The following NWD2 variants were observed in gnomAD, a reference collection of about 807,000 sequenced individuals.
The protein encoded by NWD2 is NACHT and WD repeat domain containing 2, also known as NACHT and WD repeat domain-containing protein 2.
NWD2 carries 37 observed loss-of-function variants against 132.7 expected under a neutral mutation model. That is an observed-to-expected ratio of 0.28 (90% CI 0.21 to 0.37). The LOEUF (loss-of-function observed/expected upper bound fraction) is 0.37. NWD2 is among the 10% of genes least tolerant of loss of function. The pLI, the probability that NWD2 is intolerant of heterozygous loss-of-function variation, is 1.00. For missense variants in NWD2, 1,592 were observed against 2,122.4 expected (o/e 0.75, Z 4.91); for synonymous variants, 705 against 803.0 (o/e 0.88, Z 2.06).
chr4:37,256,033 A>G (rs1717511694), intron 1 of NWD2, among the ~76,000 whole-genome samples: 2 of 152,252 alleles, frequency 1.3e-5, no homozygotes, highest in Admixed American at 1.3e-4. Context: ...CCAAAAGAGT[A>G]GGACATATCC....
At position 37,444,939 on chromosome 4, in the gene NWD2, C is replaced by T; in HGVS notation, c.2951C>T (p.Thr984Ile). Residue 984 changes from threonine to isoleucine, a missense_variant, in exon 7 of 7, where the codon ACA becomes ATA. Physicochemically the swap from Thr to Ile is moderately conservative, Grantham distance 89. Around this residue, in one of 7 missense-constraint regions of NWD2, gnomAD observed 1,071 missense variants for 1,398.0 expected, o/e 0.77. Coordinates refer to ENST00000309447, the MANE Select transcript of NWD2 (RefSeq NM_001144990.2). The surrounding 1 kb of genome is among the most constrained non-coding windows in gnomAD (Gnocchi z 4.8). ...LPTCNPSTVL[T>I]ALENGSISTW... Reference sequence around the variant, plus strand: ...ACCTGTAACCCCAGCACTGTCCTCACAGCTTTAGAAAATGGTTCCATCAGC... The same window carrying T: ...ACCTGTAACCCCAGCACTGTCCTCATAGCTTTAGAAAATGGTTCCATCAGC... The T allele has an allele frequency of 6.4e-7, 1 of 1,552,286 alleles. No individual in the cohort carries two copies. The highest frequency in any genetic ancestry group is 8.7e-7 in the Non-Finnish European group (1 of 1,147,134).
At chr4:37,253,987 G>A (rs1297302179) in intron 1 of NWD2, among the ~76,000 whole-genome samples, 2 of 152,066 alleles carry the variant, frequency 1.3e-5, no homozygotes, top group East Asian at 1.9e-4. Flanking sequence ...CTTATAAATG[G>A]GAGCTAAATG....
At chr4:37,359,599 GAA>G (rs35375267) in intron 3 of NWD2, among the ~76,000 whole-genome samples, 16 of 146,218 alleles carry the variant, frequency 1.1e-4, no homozygotes, top group Admixed American at 2.7e-4. Context: ...ACTGCTGAAT[GAA>G]AAAAAAAAAA....
At chr4:37,423,137 C>T (rs1004950826) in intron 3 of NWD2, among the ~76,000 whole-genome samples, 5 of 152,148 alleles carry the variant, frequency 3.3e-5, no homozygotes, top group African/African-American at 1.2e-4. Context: ...GGCAACCCTG[C>T]ATACAAGCGT....
At position 37,311,181 on chromosome 4, in the gene NWD2, C is replaced by T. The variant is rs894179735; in HGVS notation, c.152-14755C>T. On this transcript the variant is annotated intron_variant, in intron 1 of 6. Coordinates refer to ENST00000309447, the MANE Select transcript of NWD2 (RefSeq NM_001144990.2). ...GGATGGCTGGGTCAAATGGTATTTC[C>T]AGTTCTAGATCCCTGAGGAATCGCC... Among the ~76,000 whole-genome samples, 277 of 152,000 alleles carry T rather than the reference C, an allele frequency of 1.8e-3. 1 individual carries two copies. Among genetic ancestry groups the T allele is most frequent in the African/African-American group, 5.8e-3 (239 of 41,476 alleles).
intron 1 of NWD2, among the ~76,000 whole-genome samples, chr4:37,298,351 G>T (rs943804626): frequency 2.0e-5 from 3 of 152,034 alleles, no homozygotes; most frequent in African/African-American, 7.2e-5. Context: ...GCTTATATTT[G>T]ATTTCATCAG....
At chr4:37,325,189 A>G (rs1719144812) in intron 1 of NWD2, among the ~76,000 whole-genome samples, 3 of 152,118 alleles carry the variant, frequency 2.0e-5, no homozygotes, top group Admixed American at 6.6e-5. Flanking sequence ...AAATGCATAC[A>G]TGTTTTGTGA....
At chr4:37,311,947 G>A (rs1373207752) in intron 1 of NWD2, among the ~76,000 whole-genome samples, 3 of 151,484 alleles carry the variant, frequency 2.0e-5, no homozygotes, top group Non-Finnish European at 4.4e-5. Flanking sequence ...GTAGATATGC[G>A]GCGTTATTTC....
chr4:37,324,933 T>A (rs2109287335), intron 1 of NWD2, among the ~76,000 whole-genome samples: 1 of 152,310 alleles, frequency 6.6e-6, no homozygotes, highest in East Asian at 1.9e-4. Context: ...AACGGTTATC[T>A]TTGTTATAAA....
chr4:37,369,164 G>A (rs1261652740), intron 3 of NWD2, among the ~76,000 whole-genome samples: 1 of 152,030 alleles, frequency 6.6e-6, no homozygotes, highest in Non-Finnish European at 1.5e-5. Context: ...CACATGTTAT[G>A]GAGAAACTTA....
rs950132127 is a variant in NWD2 at position 37,446,752 on chromosome 4, G to C, written c.4764G>C (p.Glu1588Asp). ...TATACATTTGTTTCCGAAATGGGGAGGAGGAGGATGAAAATGGTGCAATAT... is the reference window on the plus strand; with the variant it reads ...TATACATTTGTTTCCGAAATGGGGACGAGGAGGATGAAAATGGTGCAATAT... ...YLVYICFRNG[E>D]EEDENGAIFS... Residue 1588 changes from glutamate (E) to aspartate (D), a missense_variant, in exon 7 of 7, where the codon GAG becomes GAC. Around this residue, in one of 7 missense-constraint regions of NWD2, gnomAD observed 257 missense variants for 335.0 expected, o/e 0.77. Coordinates refer to ENST00000309447, the MANE Select transcript of NWD2 (RefSeq NM_001144990.2). The surrounding 1 kb of genome is among the most constrained non-coding windows in gnomAD (Gnocchi z 6.7). 6.4e-7 allele frequency: 1 copy of C among 1,551,752 alleles called. No homozygotes were observed. Among genetic ancestry groups the C allele is most frequent in the African/African-American group, 1.4e-5 (1 of 73,122 alleles).
At chr4:37,396,332 T>G (rs1213008677) in intron 3 of NWD2, among the ~76,000 whole-genome samples, 1 of 152,242 alleles carries the variant, frequency 6.6e-6, no homozygotes, top group Non-Finnish European at 1.5e-5. Flanking sequence ...GTGGCCCTGT[T>G]GGATGAAGTC....
At chr4:37,310,489 GA>G (rs545378226) in intron 1 of NWD2, among the ~76,000 whole-genome samples, 18 of 151,822 alleles carry the variant, frequency 1.2e-4, no homozygotes, top group East Asian at 3.9e-4. Context: ...TAAATTGATA[GA>G]AAAAAAATAA....
intron 1 of NWD2, among the ~76,000 whole-genome samples, chr4:37,247,270 G>A (rs930119418): frequency 6.6e-6 from 1 of 152,220 alleles, no homozygotes; most frequent in Non-Finnish European, 1.5e-5. Flanking sequence ...TAAATGCTCT[G>A]TCAGAGGCAG....
intron 1 of NWD2, among the ~76,000 whole-genome samples, chr4:37,260,784 A>G (rs934406615): frequency 6.6e-6 from 1 of 152,176 alleles, no homozygotes; most frequent in African/African-American, 2.4e-5. Flanking sequence ...AAAAAACATC[A>G]TTGAGTTTGG....
intron 1 of NWD2, among the ~76,000 whole-genome samples, chr4:37,324,102 G>A (rs1454148080): frequency 1.3e-5 from 2 of 151,996 alleles, no homozygotes; most frequent in East Asian, 3.9e-4. Flanking sequence ...TCACTACCTG[G>A]ATGCAGTATA....
At chr4:37,250,857 C>T (rs1365638337) in intron 1 of NWD2, among the ~76,000 whole-genome samples, 1 of 152,196 alleles carries the variant, frequency 6.6e-6, no homozygotes, top group Non-Finnish European at 1.5e-5. Flanking sequence ...ACACGTAGGT[C>T]ATATGGTAAA....
intron 2 of NWD2, among the ~76,000 whole-genome samples, chr4:37,352,122 G>A (rs1719780650): frequency 6.6e-6 from 1 of 152,198 alleles, no homozygotes; most frequent in African/African-American, 2.4e-5. Context: ...TTTAGAATAA[G>A]TGTGATGATG....
At chr4:37,305,327 C>T (rs189307360) in intron 1 of NWD2, among the ~76,000 whole-genome samples, 75 of 152,302 alleles carry the variant, frequency 4.9e-4, no homozygotes, top group Non-Finnish European at 8.7e-4. Flanking sequence ...GCATTTTTGC[C>T]ATTGTCTTGC....
Sources: gnomAD v4.1 joint callset for allele counts (sites outside exome capture counted in the v4.1 genomes callset) on GRCh38, gnomAD v4.1.1 for gene constraint, gnomAD v4.1.1 regional missense constraint, Gnocchi (gnomAD v3.1) non-coding constraint, MANE v1.5 for transcripts, NCBI Gene and HGNC (gene_info 2026-07-23, HGNC 2026-07-21) for gene names.